Variants in PCNX3 observed in about 807,000 individuals in gnomAD.
PCNX3 encodes pecanex-like protein 3.
PCNX3 carries 58 observed loss-of-function variants against 207.2 expected under a neutral mutation model. That is an observed-to-expected ratio of 0.28 (90% CI 0.23 to 0.35). The LOEUF is 0.35. Among genes scored for constraint, PCNX3 ranks in the 10% least tolerant of loss-of-function variants. The probability of loss-of-function intolerance (pLI) is 1.00; values close to 1 mark genes in which losing one functional copy is unlikely to be tolerated. For missense variants in PCNX3, 2,410 were observed against 2,774.4 expected, an observed-to-expected ratio of 0.87 and a Z score of 2.95; for synonymous variants, 1,337 against 1,183.5, an observed-to-expected ratio of 1.13 and a Z score of -2.66.
rs762366519 is a variant in PCNX3 at position 65,629,513 on chromosome 11, G to A, written c.4001-7G>A. On this transcript the variant is annotated splice_polypyrimidine_tract_variant and splice_region_variant and intron_variant, in intron 25 of 34. Transcript: ENST00000355703. ...TTGTCCATTTGCCCGTCTGTTCTGGGTCTTAGGCGCTGATGACAACAACCT... is the reference window on the plus strand; with the variant it reads ...TTGTCCATTTGCCCGTCTGTTCTGGATCTTAGGCGCTGATGACAACAACCT... The A allele has an allele frequency of 6.2e-7, 1 of 1,613,566 alleles. No individual in the cohort carries two copies. Among genetic ancestry groups the A allele is most frequent in the Non-Finnish European group, 8.5e-7 (1 of 1,179,740 alleles).
intron 22 of PCNX3, 138 bp from the exon 23 acceptor site, chr11:65,628,457 G>T: frequency 1.3e-6 from 1 of 758,008 alleles, no homozygotes. Flanking sequence ...AGAGCACAAG[G>T]GCTGGCAGTG....
Position 65,616,340 on chromosome 11 carries a change from G to T in PCNX3, c.29G>T (p.Arg10Leu). The T allele has an allele frequency of 6.2e-7, 1 of 1,604,214 alleles. No homozygotes were observed. The highest frequency in any genetic ancestry group is 1.3e-5 in the African/African-American group (1 of 74,928). The part of the protein sequence containing the change: MGSQVLQIL[R>L]QGVWASLTGG... ...GGGTCGCAGGTGTTGCAGATCCTGCGCCAGGGGGTGTGGGCCTCGCTCACC... is the reference window on the plus strand; with the variant it reads ...GGGTCGCAGGTGTTGCAGATCCTGCTCCAGGGGGTGTGGGCCTCGCTCACC... Residue 10 changes from arginine (R) to leucine (L), a missense_variant, in exon 1 of 35, where the codon CGC becomes CTC. Coordinates refer to ENST00000355703, the MANE Select transcript of PCNX3 (RefSeq NM_032223.4).
At chr11:65,622,624 C>T (rs1855167844) in intron 11 of PCNX3, among the ~76,000 whole-genome samples, 1 of 152,220 alleles carries the variant, frequency 6.6e-6, no homozygotes, top group Non-Finnish European at 1.5e-5. Context: ...GAGACGGAGT[C>T]TCTCTCTGTC....
rs747022866 is a variant in PCNX3, at chr11:65,630,521, G to T, written c.4387G>T (p.Gly1463Cys). ...AACAGCCAGCAAGTACGTGCTGGAG[G>T]GCTATAGCATTAGTGACAATAATGC... ...EVTASKYVLE[G>C]YSISDNNAAS... The change falls in exon 27 of 35, where the codon GGC (glycine) becomes TGC (cysteine). Residue 1463 changes from glycine to cysteine, a missense_variant. Coordinates refer to ENST00000355703, the MANE Select transcript of PCNX3 (RefSeq NM_032223.4). 2 of 1,613,504 alleles carry T rather than the reference G, an allele frequency of 1.2e-6. No individual in the cohort carries two copies. Among genetic ancestry groups the T allele is most frequent in the Non-Finnish European group, 8.5e-7 (1 of 1,179,892 alleles).
Position 65,624,290 on chromosome 11 carries a change from C to G in PCNX3, c.2640C>G (p.Pro880=). 1 of 1,590,064 alleles carries G rather than the reference C, an allele frequency of 6.3e-7. No homozygotes were observed. Among genetic ancestry groups the G allele is most frequent in the East Asian group, 2.3e-5 (1 of 43,614 alleles). The part of the protein sequence containing the change: ...WLLDALGSAQ[P]FPPVSLYGLT... ...TGGACGCCCTGGGCTCAGCTCAGCC[C>G]TTCCCACCTGTCTCCCTCTACGGCC... The change falls in exon 14 of 35, where the codon CCC becomes CCG. Residue 880 remains proline (P), a synonymous_variant. Coordinates refer to ENST00000355703, the MANE Select transcript of PCNX3 (RefSeq NM_032223.4).
intron 20 of PCNX3, chr11:65,626,447 A>G (rs947051805): frequency 7.7e-5 from 31 of 400,124 alleles, no homozygotes; most frequent in Non-Finnish European, 1.4e-4. Flanking sequence ...TGGAGCCTCT[A>G]TTTTAGCATC....
Position 65,634,651 on chromosome 11 carries a change from C to A in PCNX3, c.4805+10C>A. 2 of 1,567,914 alleles carry A rather than the reference C, an allele frequency of 1.3e-6. No homozygotes were observed. Among genetic ancestry groups the A allele is most frequent in the South Asian group, 2.3e-5 (2 of 86,156 alleles). Reference sequence around the variant, plus strand: ...ACAGCATGTCTGCAAGGTGAGTGCTCGGGTGTCCCGCGGGGCCTACTGCCG... The same window carrying A: ...ACAGCATGTCTGCAAGGTGAGTGCTAGGGTGTCCCGCGGGGCCTACTGCCG... On this transcript the variant is annotated intron_variant, in intron 29 of 34. Transcript: ENST00000355703.
intron 4 of PCNX3, 35 bp from the exon 5 acceptor site, chr11:65,617,576 G>A (rs1854812640): frequency 1.9e-6 from 3 of 1,613,674 alleles, no homozygotes; most frequent in Non-Finnish European, 1.7e-6. Flanking sequence ...CTGTGCCAGG[G>A]GGTCCTGCTG....
In PCNX3 at chr11:65,624,213, G is replaced by A. The variant is rs1437680375; in HGVS notation, c.2563G>A (p.Ala855Thr). ...CCCTCAGGGCCACAACTGGGTGATC[G>A]CGTACAGCCGTCCTGTCTACTTCTG... is the stretch of plus-strand genomic sequence containing the variant. Reference protein sequence around the residue: ...SPMHGHNWVIAYSRPVYFCIC... With the variant: ...SPMHGHNWVITYSRPVYFCIC... The change falls in exon 14 of 35, where the codon GCG becomes ACG. Residue 855 changes from alanine (A) to threonine (T), a missense_variant. Ala to Thr is a moderately conservative substitution (Grantham distance 58). Transcript: ENST00000355703. The A allele has an allele frequency of 1.0e-5, 16 of 1,606,626 alleles. No individual in the cohort carries two copies. Among genetic ancestry groups the A allele is most frequent in the Admixed American group, 1.7e-5 (1 of 59,480 alleles).
Position 65,616,477 on chromosome 11 carries a change from G to A in PCNX3, c.153+13G>A, listed in dbSNP as rs1328400147. ...CTTACTGTACATGGTGAGACGCCAC[G>A]GCCACCTGTAACTCCAGCCGGGAGA... On this transcript the variant is annotated intron_variant, in intron 1 of 34. Transcript: ENST00000355703. The A allele has an allele frequency of 6.3e-7, 1 of 1,597,394 alleles. No homozygotes were observed. The highest frequency in any genetic ancestry group is 1.1e-5 in the South Asian group (1 of 90,148).
rs1855279481 is a variant in PCNX3, at chr11:65,624,540, A to G, written c.2786A>G (p.Tyr929Cys). The change falls in exon 15 of 35, where the codon TAC becomes TGC. Residue 929 changes from tyrosine (Y) to cysteine (C), a missense_variant. Transcript: ENST00000355703. ...LLPQVNTCLMYLLEQIDMHGF... is the reference protein window; with the variant it reads ...LLPQVNTCLMCLLEQIDMHGF... ...CCCCAGGTCAACACCTGCCTCATGT[A>G]CCTGCTGGAGCAAATAGATATGCAC... 3 of 1,608,686 alleles carry G rather than the reference A, an allele frequency of 1.9e-6. No homozygotes were observed. Among genetic ancestry groups the G allele is most frequent in the Non-Finnish European group, 2.5e-6 (3 of 1,177,680 alleles).
intron 20 of PCNX3, 87 bp from the exon 21 acceptor site, chr11:65,626,817 C>T (rs746160686): frequency 2.0e-5 from 31 of 1,536,714 alleles, no homozygotes; most frequent in Admixed American, 4.0e-5. Flanking sequence ...GAGTCAGGAC[C>T]GCACAGCCTG....
chr11:65,619,713 C>T (rs1349863540), intron 7 of PCNX3, 41 bp from the exon 8 acceptor site: 2 of 1,563,886 alleles, frequency 1.3e-6, no homozygotes, highest in Middle Eastern at 1.7e-4. Context: ...GGAGGGCCCG[C>T]AAGCTCTAGC....
At chr11:65,636,732 C>A in intron 34 of PCNX3, 34 bp from the exon 35 acceptor site, 1 of 1,550,142 alleles carries the variant, frequency 6.5e-7, no homozygotes, top group Non-Finnish European at 8.7e-7. Flanking sequence ...AGGCTAAGGC[C>A]TGCTCACCCG....
At position 65,624,476 on chromosome 11, in the gene PCNX3, A is replaced by T; in HGVS notation, c.2722A>T (p.Thr908Ser). 6.3e-7 allele frequency: 1 copy of T among 1,596,630 alleles called. No individual in the cohort carries two copies. Among genetic ancestry groups the T allele is most frequent in the Non-Finnish European group, 8.5e-7 (1 of 1,171,428 alleles). The change falls in exon 15 of 35, where the codon ACC becomes TCC. Residue 908 changes from threonine to serine, a missense_variant. Transcript: ENST00000355703. ...FCARDVATVF[T>S]LCFPFVFLLG... ...TCGTGTCCCCTCCCTGCCAGTGTTCACCCTGTGCTTCCCCTTCGTCTTCCT... is the reference window on the plus strand; with the variant it reads ...TCGTGTCCCCTCCCTGCCAGTGTTCTCCCTGTGCTTCCCCTTCGTCTTCCT...
At chr11:65,619,707 G>A in intron 7 of PCNX3, 47 bp downstream of exon 7, 4 of 1,565,994 alleles carry the variant, frequency 2.6e-6, no homozygotes, top group Non-Finnish European at 3.4e-6. Flanking sequence ...GGCCGGGGAG[G>A]GCCCGCAAGC....
In PCNX3 at chr11:65,616,217, G is replaced by A; in HGVS notation, c.-95G>A. On this transcript the variant is annotated 5_prime_UTR_variant, in exon 1 of 35. Coordinates refer to ENST00000355703, the MANE Select transcript of PCNX3 (RefSeq NM_032223.4). ...AGGCCATGGCGTGAGCGTGAGGCCG[G>A]GCCCCGGGGCCCTCAGGCGCCAGAC... is the stretch of plus-strand genomic sequence containing the variant. 1 of 1,061,242 alleles carries A rather than the reference G, an allele frequency of 9.4e-7. No individual in the cohort carries two copies. Among genetic ancestry groups the A allele is most frequent in the Non-Finnish European group, 1.3e-6 (1 of 789,602 alleles). The allele number at this position is 1,061,242 out of a possible 1,614,324, so 65.7% of individuals were successfully genotyped here.
At position 65,618,889 on chromosome 11, in the gene PCNX3, T is replaced by A. The variant is rs1235510171; in HGVS notation, c.1527T>A (p.Ala509=). The A allele has an allele frequency of 1.2e-6, 2 of 1,609,998 alleles. No individual in the cohort carries two copies. Among genetic ancestry groups the A allele is most frequent in the African/African-American group, 2.7e-5 (2 of 74,866 alleles). The part of the protein sequence containing the change: ...THARVLSMDG[A]GGDVLRPPLA... ...CCCGTGTGCTGAGCATGGATGGGGC[T>A]GGGGGTGATGTTCTGAGGCCCCCAC... The change falls in exon 6 of 35, where the codon GCT becomes GCA. Residue 509 remains alanine, a synonymous_variant. Coordinates refer to ENST00000355703, the MANE Select transcript of PCNX3 (RefSeq NM_032223.4).
At chr11:65,619,441 G>A (rs1854951450) in intron 6 of PCNX3, 96 bp from the exon 7 acceptor site, 1 of 1,522,484 alleles carries the variant, frequency 6.6e-7, no homozygotes, top group East Asian at 2.3e-5. Flanking sequence ...GTTGTACTAG[G>A]CCTTTAGCTC....
Sources: allele counts gnomAD v4.1 joint callset (sites outside exome capture counted in the v4.1 genomes callset), GRCh38; gene constraint gnomAD v4.1.1; transcripts MANE v1.5; gene names NCBI Gene and HGNC (gene_info 2026-07-23, HGNC 2026-07-21).